The following SAMD8 variants were observed in gnomAD, a reference collection of about 807,000 sequenced individuals.
SAMD8 encodes sphingomyelin synthase-related protein 1.
A neutral mutation model predicts 42.0 loss-of-function variants in SAMD8; 20 were observed. The observed-to-expected ratio is 0.48, with a 90% CI of 0.34 to 0.69. The LOEUF is 0.69. SAMD8 is among the 30% of genes least tolerant of loss of function. The pLI is 0.01. For synonymous variants in SAMD8, 162 were observed against 173.0 expected (o/e 0.94, Z 0.50); for missense variants, 328 against 511.6 (o/e 0.64, Z 3.46).
rs184015774 is a variant in SAMD8, at chr10:75,132,272, G to C, written c.-15-18242G>C. ...TTTGCCCTGATTACTTGCTCTACAA[G>C]TAGCGTTCTGATTATTAAATCAGCC... On this transcript the variant is annotated intron_variant, in intron 1 of 5. Transcript: ENST00000542569. Among the ~76,000 whole-genome samples, 5 of 152,298 alleles carry C rather than the reference G, an allele frequency of 3.3e-5. No homozygotes were observed. The South Asian group carries it at 1.0e-3, about 32-fold the overall frequency.
rs1840430376 is a variant in SAMD8 at position 75,157,180 on chromosome 10, T to C, written c.578+6074T>C. Reference sequence around the variant, plus strand: ...TATAGTGTTGATTCTTTTAACTTTTTTTGTAGATCAGAATTTTTCACGTTA... The same window carrying C: ...TATAGTGTTGATTCTTTTAACTTTTCTTGTAGATCAGAATTTTTCACGTTA... On this transcript the variant is annotated intron_variant, in intron 2 of 5. Coordinates refer to ENST00000542569, the MANE Select transcript of SAMD8 (RefSeq NM_001174156.2). 2.0e-5 allele frequency among the ~76,000 whole-genome samples: 3 copies of C among 152,254 alleles called. No homozygotes were observed. In the South Asian group the frequency reaches 6.2e-4, roughly 32 times the overall value.
At chr10:75,156,462 A>G (rs1840412832) in intron 2 of SAMD8, among the ~76,000 whole-genome samples, 2 of 152,140 alleles carry the variant, frequency 1.3e-5, no homozygotes, top group South Asian at 4.1e-4. Flanking sequence ...ATGATCTGAA[A>G]GTTTCATCTC....
At chr10:75,175,746 G>A (rs953668740) in intron 4 of SAMD8, 4 of 295,232 alleles carry the variant, frequency 1.4e-5, no homozygotes, top group African/African-American at 2.3e-5. Context: ...TTGGGGTTTC[G>A]CCATGTTGGC....
chr10:75,172,534 G>A (rs1158867609), intron 4 of SAMD8, among the ~76,000 whole-genome samples: 4 of 150,254 alleles, frequency 2.7e-5, no homozygotes, highest in African/African-American at 9.8e-5. Flanking sequence ...GTCTTTCTCT[G>A]TCGCCCCGGC....
intron 2 of SAMD8, among the ~76,000 whole-genome samples, 178 bp downstream of exon 2, chr10:75,151,284 T>G (rs1376139068): frequency 6.6e-6 from 1 of 152,232 alleles, no homozygotes; most frequent in Non-Finnish European, 1.5e-5. Flanking sequence ...AAATTAGGCC[T>G]TAAGCCTAGG....
chr10:75,140,233 T>C (rs1839983168), intron 1 of SAMD8, among the ~76,000 whole-genome samples: 1 of 152,182 alleles, frequency 6.6e-6, no homozygotes, highest in African/African-American at 2.4e-5. Flanking sequence ...GCCTCCTGAT[T>C]AGCTGGGACT....
chr10:75,141,327 C>G (rs1393673700), intron 1 of SAMD8, among the ~76,000 whole-genome samples: 1 of 149,546 alleles, frequency 6.7e-6, no homozygotes, highest in Non-Finnish European at 1.5e-5. Flanking sequence ...GCACTCCAAC[C>G]TGGGTGACAG....
At chr10:75,111,575 C>T, upstream of SAMD8, 1 of 1,251,324 alleles carries the variant, frequency 8.0e-7, no homozygotes, top group Non-Finnish European at 1.0e-6. Context: ...GCCACCGCCC[C>T]CGCCTCCACT....
chr10:75,144,578 C>A (rs140839257), intron 1 of SAMD8, among the ~76,000 whole-genome samples: 299 of 152,286 alleles, frequency 2.0e-3, no homozygotes, highest in African/African-American at 6.7e-3. Flanking sequence ...GTCAGAACTT[C>A]CTTCCTTTTT....
At position 75,104,287 on chromosome 10, in the gene SAMD8, A is replaced by G. The variant is rs78630010; in HGVS notation, c.-16+4559A>G. On this transcript the variant is annotated intron_variant, in intron 1 of 3. Coordinates refer to the SAMD8 transcript ENST00000447533. Reference sequence around the variant, plus strand: ...TTTGGTATCCATGGCTTAGGGACAGAGATGACCTCTCCCCATGGGCCCCTT... The same window carrying G: ...TTTGGTATCCATGGCTTAGGGACAGGGATGACCTCTCCCCATGGGCCCCTT... Among the ~76,000 whole-genome samples the G allele has an allele frequency of 3.1e-3, 474 of 152,266 alleles. 2 individuals carry two copies. Among genetic ancestry groups the G allele is most frequent in the African/African-American group, 0.011 (440 of 41,548 alleles).
chr10:75,148,346 CTTTTTTTTTTT>C (rs60024591), intron 1 of SAMD8, among the ~76,000 whole-genome samples: 11 of 82,564 alleles, frequency 1.3e-4, no homozygotes, highest in Non-Finnish European at 2.2e-4. Context: ...GCAATACCAG[CTTTTTTTTTTT>C]TTTTTTTTTT....
intron 4 of SAMD8, 163 bp from the exon 5 acceptor site, chr10:75,175,903 A>G (rs1251270381): frequency 2.0e-6 from 2 of 985,240 alleles, no homozygotes; most frequent in Non-Finnish European, 2.4e-6. Flanking sequence ...TTGCCCACCC[A>G]TTCTTGAAGT....
intron 1 of SAMD8, among the ~76,000 whole-genome samples, chr10:75,128,472 A>G (rs919151384): frequency 2.6e-5 from 4 of 152,074 alleles, no homozygotes; most frequent in Admixed American, 1.3e-4. Flanking sequence ...TTCGCCTCCC[A>G]AAGTGTTGGG....
intron 4 of SAMD8, among the ~76,000 whole-genome samples, chr10:75,172,982 G>T (rs929563241): frequency 3.9e-5 from 6 of 152,084 alleles, no homozygotes; most frequent in African/African-American, 1.4e-4. Context: ...ACTGAAAAGA[G>T]AAAATTTTCC....
At chr10:75,127,659 C>G (rs1413044179) in intron 1 of SAMD8, among the ~76,000 whole-genome samples, 1 of 152,214 alleles carries the variant, frequency 6.6e-6, no homozygotes, top group Admixed American at 6.5e-5. Flanking sequence ...GAATAACACT[C>G]TGCTGACATC....
intron 4 of SAMD8, among the ~76,000 whole-genome samples, chr10:75,172,586 C>T (rs1840895439): frequency 6.6e-6 from 1 of 152,060 alleles, no homozygotes; most frequent in South Asian, 2.1e-4. Flanking sequence ...CATCCTCCAC[C>T]TCCTGGGTTC....
chr10:75,126,660 C>A (rs1439728619), intron 1 of SAMD8, among the ~76,000 whole-genome samples: 3 of 151,534 alleles, frequency 2.0e-5, no homozygotes, highest in African/African-American at 7.3e-5. Flanking sequence ...TGCCACCACG[C>A]TGGCTAATTT....
intron 1 of SAMD8, among the ~76,000 whole-genome samples, chr10:75,141,303 G>A (rs1249588403): frequency 1.3e-5 from 2 of 150,850 alleles, no homozygotes; most frequent in East Asian, 2.0e-4. Flanking sequence ...GCAGTGAGCC[G>A]AGATCGTGCC....
At chr10:75,157,087 A>G (rs1840428599) in intron 2 of SAMD8, among the ~76,000 whole-genome samples, 1 of 152,190 alleles carries the variant, frequency 6.6e-6, no homozygotes, top group Middle Eastern at 3.2e-3. Context: ...AGGTATGTAT[A>G]GAAAGAATGA....
Sources: allele counts gnomAD v4.1 joint callset (sites outside exome capture counted in the v4.1 genomes callset), GRCh38; gene constraint gnomAD v4.1.1; transcripts MANE v1.5; gene names NCBI Gene and HGNC (gene_info 2026-07-23, HGNC 2026-07-21).